RBMX: variants seen among roughly 807,000 people sequenced by gnomAD.
The protein encoded by RBMX is RNA-binding motif protein, X chromosome.
Under a neutral mutation model 29.3 loss-of-function variants are expected in RBMX, and 1 was observed. The ratio of observed to expected loss-of-function variants is 0.03; its 90% CI spans 0.01 to 0.16. The LOEUF (loss-of-function observed/expected upper bound fraction) is 0.16, where lower values mean the gene tolerates loss of function less well. RBMX is among the 10% of genes least tolerant of loss of function. RBMX has a pLI of 1.00. For missense variants in RBMX, 121 were observed against 333.2 expected (o/e 0.36, Z 4.96); for synonymous variants, 102 against 102.3 (o/e 1.00, Z 0.02).
chrX:136,879,165 C>CAA, intron 2 of RBMX, 42 bp from the exon 3 acceptor site: 1 of 1,209,286 alleles, frequency 8.3e-7, no homozygotes, highest in Non-Finnish European at 1.1e-6. Flanking sequence ...TACCCTAGGT[C>CAA]AAATGAAATA....
downstream of RBMX, chrX:136,872,347 T>C: frequency 8.6e-7 from 1 of 1,163,504 alleles, no homozygotes; most frequent in Non-Finnish European, 1.2e-6. Flanking sequence ...ATCACCAACC[T>C]GCAAAAGTTA....
intron 1 of RBMX, 132 bp from the exon 2 acceptor site, chrX:136,879,585 G>A (rs2077776550): frequency 1.8e-6 from 1 of 565,746 alleles, no homozygotes; most frequent in Non-Finnish European, 2.8e-6. Flanking sequence ...ACGATAACGA[G>A]CTAAGCCTCA....
At chrX:136,871,944 T>C (rs908325625), downstream of RBMX, among the ~76,000 whole-genome samples, 1 of 110,061 alleles carries the variant, frequency 9.1e-6, no homozygotes, top group African/African-American at 3.3e-5. Flanking sequence ...CGAGCCATGG[T>C]GCCCAGCTGA....
At position 136,877,989 on chromosome X, in the gene RBMX, G is replaced by A; in HGVS notation, c.314C>T (p.Pro105Leu). ...GPPPPPRSRG[P>L]PRGLRGGRGG... ...TCTTCCACCTCTAAGACCTCTTGGAGGGCCTCTACTTCTTGGAGGTGGAGG... is the reference window on the plus strand; with the variant it reads ...TCTTCCACCTCTAAGACCTCTTGGAAGGCCTCTACTTCTTGGAGGTGGAGG... Residue 105 changes from proline (P) to leucine (L), a missense_variant, in exon 4 of 9, where the codon CCT becomes CTT. By Grantham distance (98) the Pro-to-Leu change is moderately conservative. Around this residue, in one of 2 missense-constraint regions of RBMX, gnomAD observed 114 missense variants for 260.0 expected, o/e 0.44. Transcript: ENST00000320676. The A allele has an allele frequency of 8.3e-7, 1 of 1,209,191 alleles. No homozygotes were observed. The highest frequency in any genetic ancestry group is 1.1e-6 in the Non-Finnish European group (1 of 893,887).
Position 136,873,747 on chromosome X carries a change from C to G in RBMX, c.*395G>C. ...GCATACCCCAACCACCCTCTAATAG[C>G]TAGCTTGTTTGTATAGGTAGAATGA... On this transcript the variant is annotated 3_prime_UTR_variant, in exon 9 of 9. Coordinates refer to ENST00000320676, the MANE Select transcript of RBMX (RefSeq NM_002139.4). The G allele has an allele frequency of 1.3e-6, 1 of 778,347 alleles. No individual in the cohort carries two copies. The highest frequency in any genetic ancestry group is 1.5e-6 in the Non-Finnish European group (1 of 653,994). 64.1% of individuals were successfully genotyped at this position (778,347 alleles called of 1,213,427 possible).
Position 136,877,904 on chromosome X carries a change from C to T in RBMX, c.388+11G>A. On this transcript the variant is annotated intron_variant, in intron 4 of 8. Transcript: ENST00000320676. Reference sequence around the variant, plus strand: ...TTATACACCAAACCCGAGGTCCACGCAAGTTATTACCCATGTGTCCTCCCC... The same window carrying T: ...TTATACACCAAACCCGAGGTCCACGTAAGTTATTACCCATGTGTCCTCCCC... 3 of 1,164,894 alleles carry T rather than the reference C, an allele frequency of 2.6e-6. No individual in the cohort carries two copies. The highest frequency in any genetic ancestry group is 3.5e-6 in the Non-Finnish European group (3 of 869,473).
At position 136,874,016 on chromosome X, in the gene RBMX, C is replaced by T; in HGVS notation, c.*126G>A. The T allele has an allele frequency of 1.8e-6, 2 of 1,106,695 alleles. No individual in the cohort carries two copies. Among genetic ancestry groups the T allele is most frequent in the Non-Finnish European group, 2.4e-6 (2 of 845,573 alleles). The allele number at this position is 1,106,695 out of a possible 1,213,427, so 91.2% of individuals were successfully genotyped here. A position where few individuals can be genotyped will look rare whatever the true frequency, so the allele number is the denominator to read the frequency against. On this transcript the variant is annotated 3_prime_UTR_variant, in exon 9 of 9. Transcript: ENST00000320676. Reference sequence around the variant, plus strand: ...AGAACATAAAAATTATGGAGGGGAACTTAACAGGGAATTTAAAAAAAGTAA... The same window carrying T: ...AGAACATAAAAATTATGGAGGGGAATTTAACAGGGAATTTAAAAAAAGTAA...
In RBMX at chrX:136,873,504, A is replaced by C; in HGVS notation, c.*638T>G. 5 of 753,204 alleles carry C rather than the reference A, an allele frequency of 6.6e-6. No individual in the cohort carries two copies. Among genetic ancestry groups the C allele is most frequent in the Non-Finnish European group, 7.8e-6 (5 of 637,846 alleles). The allele number at this position is 753,204 out of a possible 1,213,427, so 62.1% of individuals were successfully genotyped here. ...TTTATTTAGTATTCTGTAGTTGTTT[A>C]ACACACACTTAAATGGTCTTATTGG... On this transcript the variant is annotated 3_prime_UTR_variant, in exon 9 of 9. Transcript: ENST00000320676.
intron 4 of RBMX, 116 bp downstream of exon 4, chrX:136,877,799 G>A: frequency 1.5e-6 from 1 of 665,852 alleles, no homozygotes; most frequent in East Asian, 3.4e-5. Context: ...ATGAACAAGT[G>A]TTGTCAATTT....
At chrX:136,877,829 T>G (rs2077749955) in intron 4 of RBMX, 86 bp downstream of exon 4, 17 of 975,857 alleles carry the variant, frequency 1.7e-5, no homozygotes, top group Non-Finnish European at 2.3e-5. Context: ...GCACCTTTCC[T>G]CAAGGACTTA....
intron 1 of RBMX, among the ~76,000 whole-genome samples, chrX:136,880,209 G>A (rs1256690872): frequency 9.0e-6 from 1 of 111,438 alleles, no homozygotes; most frequent in Admixed American, 9.5e-5. Flanking sequence ...CATTGGCTGG[G>A]AACATTCAGA....
chrX:136,876,646 C>T lies in RBMX; in HGVS notation c.398G>A (p.Gly133Glu), dbSNP rs1337736808. The T allele has an allele frequency of 8.5e-7, 1 of 1,177,606 alleles. No individual in the cohort carries two copies. The highest frequency in any genetic ancestry group is 1.8e-5 in the African/African-American group (1 of 55,006). ...ACTCATGTTAAAATTCATGGAATAT[C>T]CACCGTCATCTGCATCAAAAATAGA... ...PSRGGHMDDGGYSMNFNMSSS... is the reference protein window; with the variant it reads ...PSRGGHMDDGEYSMNFNMSSS... Residue 133 changes from glycine to glutamate, a missense_variant, in exon 5 of 9, where the codon GGA becomes GAA. This residue lies in a region of RBMX where 114 missense variants were observed against 260.0 expected (regional missense o/e 0.44). Transcript: ENST00000320676.
intron 5 of RBMX, among the ~76,000 whole-genome samples, chrX:136,876,089 C>T (rs927194221): frequency 2.8e-5 from 3 of 108,824 alleles, no homozygotes; most frequent in African/African-American, 6.7e-5. Flanking sequence ...CGTGAGCCAC[C>T]GCACCCAGAC....
chrX:136,875,808 T>G (rs1009927695), intron 5 of RBMX, among the ~76,000 whole-genome samples: 25 of 108,429 alleles, frequency 2.3e-4, no homozygotes, highest in African/African-American at 8.2e-4. Flanking sequence ...AAAGTTTTGT[T>G]TTTTTTTTTT....
At position 136,874,098 on chromosome X, in the gene RBMX, T is replaced by C. The variant is rs777793088; in HGVS notation, c.*44A>G. 100 of 1,162,799 alleles carry C rather than the reference T, an allele frequency of 8.6e-5. No individual in the cohort carries two copies. The highest frequency in any genetic ancestry group is 1.1e-4 in the Non-Finnish European group (98 of 872,640). On this transcript the variant is annotated 3_prime_UTR_variant, in exon 9 of 9. Coordinates refer to ENST00000320676, the MANE Select transcript of RBMX (RefSeq NM_002139.4). ...GTTATGATAGAATAGTTTCCACTTTTTGTTTCTTTGAACTGGGATTTTGGT... is the reference window on the plus strand; with the variant it reads ...GTTATGATAGAATAGTTTCCACTTTCTGTTTCTTTGAACTGGGATTTTGGT...
Position 136,876,711 on chromosome X carries a change from TAA to T in RBMX, c.389-58_389-57del, listed in dbSNP as rs1406759019. On this transcript the variant is annotated intron_variant, in intron 4 of 8. Transcript: ENST00000320676. ...CTACTCACAAGAATCAAGAAAGATA[TAA>T]AAGTTTTTTTTTTTTTTTGAGAGTC... The T allele has an allele frequency of 1.3e-5, 12 of 934,791 alleles. No homozygotes were observed. The East Asian group carries it at 2.8e-4, about 22-fold the overall frequency. The allele number at this position is 934,791 out of a possible 1,213,427, so 77.0% of individuals were successfully genotyped here.
rs747307792 is a variant in RBMX at position 136,875,375 on chromosome X, C to T, written c.665G>A (p.Ser222Asn). The change falls in exon 7 of 9, where the codon AGC becomes AAC. Residue 222 changes from serine to asparagine, a missense_variant. Coordinates refer to ENST00000320676, the MANE Select transcript of RBMX (RefSeq NM_002139.4). ...DGYSTKDSYS[S>N]RDYPSSRDTR... Reference sequence around the variant, plus strand: ...ATCACGAGAACTTGGGTAATCTCTGCTTGAATAGCTACAAAGCAAAAGTTT... The same window carrying T: ...ATCACGAGAACTTGGGTAATCTCTGTTTGAATAGCTACAAAGCAAAAGTTT... 2 of 1,209,422 alleles carry T rather than the reference C, an allele frequency of 1.7e-6. No homozygotes were observed. The highest frequency in any genetic ancestry group is 1.1e-6 in the Non-Finnish European group (1 of 894,368).
In RBMX at chrX:136,873,705, C is replaced by T. The variant is rs1413327565; in HGVS notation, c.*437G>A. ...ATTGAGATTTCAGTTGGAAGACACC[C>T]TGAAATCTTATGAGTAGCATACCCC... On this transcript the variant is annotated 3_prime_UTR_variant, in exon 9 of 9. Transcript: ENST00000320676. The T allele has an allele frequency of 3.8e-5, 29 of 763,279 alleles. No homozygotes were observed. The highest frequency in any genetic ancestry group is 4.5e-5 in the Non-Finnish European group (29 of 644,518). The allele number at this position is 763,279 out of a possible 1,213,427, so 62.9% of individuals were successfully genotyped here. A position where few individuals can be genotyped will look rare whatever the true frequency, so the allele number is the denominator to read the frequency against.
At chrX:136,875,675 G>A (rs962140940) in intron 5 of RBMX, 90 bp from the exon 6 acceptor site, 3 of 1,067,057 alleles carry the variant, frequency 2.8e-6, no homozygotes, top group East Asian at 3.1e-5. Flanking sequence ...TAATGAGACT[G>A]ACTTCAAAGA....
Sources: allele counts gnomAD v4.1 joint callset (sites outside exome capture counted in the v4.1 genomes callset), GRCh38; gene constraint gnomAD v4.1.1; regional missense constraint gnomAD v4.1.1; transcripts MANE v1.5; gene names NCBI Gene and HGNC (gene_info 2026-07-23, HGNC 2026-07-21).